PNPLA2: variants seen among roughly 807,000 people sequenced by gnomAD.
The protein encoded by PNPLA2 is patatin like domain 2, triacylglycerol lipase, also known as patatin-like phospholipase domain-containing protein 2.
PNPLA2 carries 28 observed loss-of-function variants against 39.7 expected under a neutral mutation model. That is an observed-to-expected ratio of 0.70 (90% CI 0.52 to 0.97). PNPLA2 has a LOEUF of 0.97. Ranked by LOEUF, PNPLA2 falls within the 50% of genes least tolerant of loss-of-function variation. The pLI, the probability that PNPLA2 is intolerant of heterozygous loss-of-function variation, is 0.00. For synonymous variants in PNPLA2, 392 were observed against 321.1 expected (o/e 1.22, Z -2.36); for missense variants, 768 against 698.2 (o/e 1.10, Z -1.13).
chr11:820,004 T>C (rs1276721865), intron 2 of PNPLA2, 99 bp downstream of exon 2: 4 of 914,294 alleles, frequency 4.4e-6, no homozygotes, highest in African/African-American at 1.8e-5. Context: ...GGCGAGTCGG[T>C]GGGTACCGTG....
In PNPLA2 at chr11:825,135, C is replaced by T. The variant is rs1202704653; in HGVS notation, c.*273C>T. ...AGAACTTTGCAGCTGCCCTTCCCTCCCCGTTTTTCATGGCCTGCTGAAATA... is the reference window on the plus strand; with the variant it reads ...AGAACTTTGCAGCTGCCCTTCCCTCTCCGTTTTTCATGGCCTGCTGAAATA... On this transcript the variant is annotated 3_prime_UTR_variant, in exon 10 of 10. Coordinates refer to ENST00000336615, the MANE Select transcript of PNPLA2 (RefSeq NM_020376.4). The T allele has an allele frequency of 7.2e-6, 4 of 559,042 alleles. No individual in the cohort carries two copies. Among genetic ancestry groups the T allele is most frequent in the East Asian group, 6.3e-5 (2 of 31,626 alleles). The allele number at this position is 559,042 out of a possible 1,614,324, so 34.6% of individuals were successfully genotyped here.
Position 825,389 on chromosome 11 carries a change from A to C in PNPLA2, c.*527A>C. ...GAACCTGCCAGGCTGGCCTGGGAAC[A>C]CCCCCCTACAGGCACATATGAACGT... is the stretch of plus-strand genomic sequence containing the variant. On this transcript the variant is annotated 3_prime_UTR_variant, in exon 10 of 10. Coordinates refer to ENST00000336615, the MANE Select transcript of PNPLA2 (RefSeq NM_020376.4). The C allele has an allele frequency of 2.1e-5, 4 of 192,474 alleles. No individual in the cohort carries two copies. Among genetic ancestry groups the C allele is most frequent in the Non-Finnish European group, 3.2e-5 (3 of 94,408 alleles). 11.9% of individuals were successfully genotyped at this position (192,474 alleles called of 1,614,324 possible).
rs775958680 is a variant in PNPLA2, at chr11:821,638, T to G, written c.198T>G (p.Gly66=). ...LVTGVCLGEA[G]AKFIEVSKEA... The stretch of plus-strand genomic sequence containing the variant: ...GGCCCTGTGCCCCAGGTGAGGCTGG[T>G]GCCAAGTTCATTGAGGTATCTAAAG... Residue 66 remains glycine, a synonymous_variant, in exon 3 of 10, where the codon GGT becomes GGG. Transcript: ENST00000336615. 1 of 1,613,350 alleles carries G rather than the reference T, an allele frequency of 6.2e-7. No individual in the cohort carries two copies. The highest frequency in any genetic ancestry group is 1.1e-5 in the South Asian group (1 of 91,060).
rs749441761 is a variant in PNPLA2 at position 824,625 on chromosome 11, CCT to C, written c.1282_1283del (p.Ser428AlafsTer123). On this transcript the variant is annotated frameshift_variant, in exon 10 of 10. Coordinates refer to ENST00000336615, the MANE Select transcript of PNPLA2 (RefSeq NM_020376.4). LOFTEE classifies it low-confidence loss of function (END_TRUNC). ...EALPGWMRNN[L>X]SLGDALAKWE... ...CACTGCCCGGCTGGATGCGCAACAA[CCT>C]CTCGCTGGGGGACGCGCTGGCCAAG... 1.4e-5 allele frequency: 22 copies of C among 1,596,070 alleles called. 1 individual carries two copies. The South Asian group carries it at 2.3e-4, about 17-fold the overall frequency.
rs545013122 is a variant in PNPLA2, at chr11:825,571, A to G, written c.*709A>G. The G allele has an allele frequency of 6.6e-6, 1 of 152,542 alleles. No individual in the cohort carries two copies. The highest frequency in any genetic ancestry group is 6.5e-5 in the Admixed American group (1 of 15,326). The allele number at this position is 152,542 out of a possible 1,614,324, so 9.4% of individuals were successfully genotyped here. On this transcript the variant is annotated 3_prime_UTR_variant, in exon 10 of 10. Transcript: ENST00000336615. ...GTAAATAAAAACGAAAATGTTTGCA[A>G]AAGGTGTCGCCTGCCCCTCCCCTCA... is the stretch of plus-strand genomic sequence containing the variant.
chr11:821,607 A>C (rs770234576), intron 2 of PNPLA2, 21 bp from the exon 3 acceptor site: 1 of 1,571,744 alleles, frequency 6.4e-7, no homozygotes, highest in Admixed American at 1.7e-5. Flanking sequence ...ATGGGCCCCT[A>C]ACCTTGGCCC....
intron 2 of PNPLA2, 143 bp downstream of exon 2, chr11:820,048 C>A: frequency 5.2e-6 from 3 of 571,528 alleles, no homozygotes; most frequent in South Asian, 9.6e-5. Context: ...GGGAACCCGG[C>A]GAGGATCCAA....
chr11:820,115 GGCC>G (rs1460076682), intron 2 of PNPLA2, among the ~76,000 whole-genome samples: 2 of 152,358 alleles, frequency 1.3e-5, no homozygotes, highest in Admixed American at 6.5e-5. Context: ...GGGTGCCCGG[GGCC>G]CGCCTGTCTG....
rs762439465 is a variant in PNPLA2 at position 825,040 on chromosome 11, C to G, written c.*178C>G. 1 of 655,658 alleles carries G rather than the reference C, an allele frequency of 1.5e-6. No homozygotes were observed. Among genetic ancestry groups the G allele is most frequent in the Non-Finnish European group, 2.7e-6 (1 of 365,052 alleles). 40.6% of individuals were successfully genotyped at this position (655,658 alleles called of 1,614,324 possible). A position where few individuals can be genotyped will look rare whatever the true frequency, so the allele number is the denominator to read the frequency against. ...CACCCCTCCCCTGGGCCGCTGAGGC[C>G]CCGCGCACCTGTGCCTTAATCTTCC... On this transcript the variant is annotated 3_prime_UTR_variant, in exon 10 of 10. Coordinates refer to ENST00000336615, the MANE Select transcript of PNPLA2 (RefSeq NM_020376.4).
Position 825,118 on chromosome 11 carries a change from G to A in PNPLA2, c.*256G>A. ...CCGCCCCTTTACTCCTGAGAACTTT[G>A]CAGCTGCCCTTCCCTCCCCGTTTTT... On this transcript the variant is annotated 3_prime_UTR_variant, in exon 10 of 10. Coordinates refer to ENST00000336615, the MANE Select transcript of PNPLA2 (RefSeq NM_020376.4). The A allele has an allele frequency of 1.8e-6, 1 of 554,638 alleles. No individual in the cohort carries two copies. The highest frequency in any genetic ancestry group is 3.2e-6 in the Non-Finnish European group (1 of 317,104). 34.4% of individuals were successfully genotyped at this position (554,638 alleles called of 1,614,324 possible). A position where few individuals can be genotyped will look rare whatever the true frequency, so the allele number is the denominator to read the frequency against.
In PNPLA2 at chr11:825,044, C is replaced by A. The variant is rs1207772284; in HGVS notation, c.*182C>A. On this transcript the variant is annotated 3_prime_UTR_variant, in exon 10 of 10. Transcript: ENST00000336615. ...CCTCCCCTGGGCCGCTGAGGCCCCG[C>A]GCACCTGTGCCTTAATCTTCCCTCC... 1.5e-6 allele frequency: 1 copy of A among 646,342 alleles called. No individual in the cohort carries two copies. Among genetic ancestry groups the A allele is most frequent in the Non-Finnish European group, 2.8e-6 (1 of 359,634 alleles). 40.0% of individuals were successfully genotyped at this position (646,342 alleles called of 1,614,324 possible).
intron 1 of PNPLA2, 51 bp from the exon 2 acceptor site, chr11:819,523 C>A: frequency 7.9e-7 from 1 of 1,265,222 alleles, no homozygotes; most frequent in Non-Finnish European, 1.0e-6. Flanking sequence ...CGGCCCCGCC[C>A]CCGCCGTGAG....
At chr11:822,122 G>C (rs1307673632) in intron 4 of PNPLA2, 99 bp downstream of exon 4, 4 of 1,091,010 alleles carry the variant, frequency 3.7e-6, no homozygotes, top group Admixed American at 1.8e-5. Flanking sequence ...CCCTTGCTCT[G>C]CCACCGCCTG....
chr11:822,982 G>A (rs1845720724), intron 5 of PNPLA2, among the ~76,000 whole-genome samples: 1 of 152,014 alleles, frequency 6.6e-6, no homozygotes, highest in Non-Finnish European at 1.5e-5. Flanking sequence ...CTGCCACCAT[G>A]CCTGGCTACT....
rs368987427 is a variant in PNPLA2, at chr11:823,825, C to A, written c.889C>A (p.Leu297Met). 1.9e-6 allele frequency: 3 copies of A among 1,596,176 alleles called. No individual in the cohort carries two copies. In the African/African-American group the frequency reaches 4.0e-5, roughly 21 times the overall value. ...YSQLPGEDHI[L>M]EHLPARLNEA... ...GCAGCTGCCCGGAGAAGATCACATC[C>A]TGGAGCACCTGCCCGCCCGGCTCAA... Residue 297 changes from leucine (L) to methionine (M), a missense_variant, in exon 7 of 10, where the codon CTG becomes ATG. Transcript: ENST00000336615.
At position 823,193 on chromosome 11, in the gene PNPLA2, G is replaced by T. The variant is rs575524725; in HGVS notation, c.697-334G>T. On this transcript the variant is annotated intron_variant, in intron 5 of 9. Transcript: ENST00000336615. ...CTGCCTCAGCCTCCCCAGTAGCTGG[G>T]ACTACAGGTGCCCACCACCACGCCT... 1.6e-3 allele frequency among the ~76,000 whole-genome samples: 248 copies of T among 152,176 alleles called. 3 individuals are homozygous for T. Among genetic ancestry groups the T allele is most frequent in the African/African-American group, 5.6e-3 (231 of 41,496 alleles).
chr11:821,896 G>T (rs202218142), intron 3 of PNPLA2, 36 bp downstream of exon 3: 76 of 1,610,346 alleles, frequency 4.7e-5, no homozygotes, highest in Admixed American at 1.8e-4. Flanking sequence ...GTGGCGGTGG[G>T]GGGGGCAGTG....
intron 1 of PNPLA2, 106 bp from the exon 2 acceptor site, chr11:819,468 G>A (rs1000713953): frequency 1.6e-4 from 194 of 1,203,490 alleles, no homozygotes; most frequent in Non-Finnish European, 1.7e-4. Flanking sequence ...GGCGGGTCCC[G>A]AGGGCACGGC....
chr11:819,846 T>G lies in PNPLA2; in HGVS notation c.128T>G (p.Ile43Ser), dbSNP rs1290433318. The change falls in exon 2 of 10, where the codon ATC (isoleucine) becomes AGC (serine). Residue 43 changes from isoleucine (I) to serine (S), a missense_variant. Physicochemically the swap from Ile to Ser is moderately radical, Grantham distance 142. Coordinates refer to ENST00000336615, the MANE Select transcript of PNPLA2 (RefSeq NM_020376.4). ...APFLVANATH[I>S]YGASAGALTA... ...TTCCTGGTGGCCAACGCCACGCACA[T>G]CTACGGCGCCTCGGCCGGGGCGCTC... is the stretch of plus-strand genomic sequence containing the variant. 2.0e-6 allele frequency: 3 copies of G among 1,473,718 alleles called. No individual in the cohort carries two copies. The highest frequency in any genetic ancestry group is 2.7e-6 in the Non-Finnish European group (3 of 1,112,018). The allele number at this position is 1,473,718 out of a possible 1,614,324, so 91.3% of individuals were successfully genotyped here.
Sources: gnomAD v4.1 joint callset for allele counts (sites outside exome capture counted in the v4.1 genomes callset) on GRCh38, gnomAD v4.1.1 for gene constraint, MANE v1.5 for transcripts, NCBI Gene and HGNC (gene_info 2026-07-23, HGNC 2026-07-21) for gene names.